OR10J1: variants seen among roughly 807,000 people sequenced by gnomAD.
OR10J1 encodes the protein olfactory receptor family 10 subfamily J member 1.
For synonymous variants in OR10J1, 202 were observed against 143.8 expected (o/e 1.40, Z -2.89); for missense variants, 474 against 376.6 (o/e 1.26, Z -2.14).
the OR10J1 span, among the ~76,000 whole-genome samples, chr1:159,431,796 A>G: frequency 6.6e-6 from 1 of 152,192 alleles, no homozygotes; most frequent in African/African-American, 2.4e-5. Flanking sequence ...TGATTTGCCC[A>G]GTTGTAGGCT....
chr1:159,420,947 C>T, the OR10J1 span, among the ~76,000 whole-genome samples: 6 of 152,054 alleles, frequency 3.9e-5, no homozygotes, highest in Non-Finnish European at 8.8e-5. Flanking sequence ...AAATAACTTG[C>T]TAGACTTGGG....
the OR10J1 span, among the ~76,000 whole-genome samples, chr1:159,402,028 T>C: frequency 6.6e-6 from 1 of 152,062 alleles, no homozygotes; most frequent in African/African-American, 2.4e-5. Context: ...TAAAAAAGCA[T>C]TTGATAAAAT....
the OR10J1 span, among the ~76,000 whole-genome samples, chr1:159,411,918 G>GA: frequency 6.6e-6 from 1 of 152,190 alleles, no homozygotes; most frequent in Admixed American, 6.6e-5. Flanking sequence ...CAGATGACAT[G>GA]ATTGTATATC....
the OR10J1 span, among the ~76,000 whole-genome samples, chr1:159,430,190 C>T: frequency 3.3e-5 from 5 of 151,808 alleles, no homozygotes; most frequent in Non-Finnish European, 7.4e-5. Flanking sequence ...AAAAAATCAC[C>T]GAGAAAGGAT....
the OR10J1 span, among the ~76,000 whole-genome samples, chr1:159,411,806 C>G: frequency 3.3e-5 from 5 of 151,914 alleles, 1 homozygote; most frequent in South Asian, 1.0e-3. Flanking sequence ...ATGGTCTTTA[C>G]ATTCAACATA....
chr1:159,402,864 C>A, the OR10J1 span, among the ~76,000 whole-genome samples: 1 of 151,706 alleles, frequency 6.6e-6, no homozygotes, highest in Non-Finnish European at 1.5e-5. Flanking sequence ...CAAATTATAC[C>A]ACAGAGCTAC....
the OR10J1 span, among the ~76,000 whole-genome samples, chr1:159,427,903 T>A: frequency 1.3e-5 from 2 of 152,132 alleles, no homozygotes; most frequent in East Asian, 3.9e-4. Flanking sequence ...TTTTAAAAAT[T>A]TCTTAATGTA....
the OR10J1 span, among the ~76,000 whole-genome samples, chr1:159,411,285 G>C: frequency 3.3e-5 from 5 of 152,128 alleles, no homozygotes; most frequent in Non-Finnish European, 7.4e-5. Context: ...TCTGTCTAAT[G>C]TTGACAGTGG....
the OR10J1 span, among the ~76,000 whole-genome samples, chr1:159,419,520 G>A: frequency 3.3e-5 from 5 of 152,170 alleles, no homozygotes; most frequent in African/African-American, 4.8e-5. Flanking sequence ...ATGGAACTGT[G>A]AGTCTATTAA....
the OR10J1 span, among the ~76,000 whole-genome samples, chr1:159,424,870 C>A: frequency 2.0e-5 from 3 of 151,916 alleles, no homozygotes; most frequent in Non-Finnish European, 4.4e-5. Context: ...GAGTAACTAA[C>A]ATAGCAAGAA....
In OR10J1 at chr1:159,440,730, GA is replaced by G. The variant is rs1299586317; in HGVS notation, c.*11del. 3 of 1,603,992 alleles carry G rather than the reference GA, an allele frequency of 1.9e-6. No homozygotes were observed. The African/African-American group carries it at 4.0e-5, about 21-fold the overall frequency. ...GTGGGAAGTTTTCCTGACCATGTAG[GA>G]AGAGTTCTCCTGAGGCTGTCAACAT... On this transcript the variant is annotated 3_prime_UTR_variant, in exon 1 of 1. Transcript: ENST00000423932.
upstream of OR10J1, among the ~76,000 whole-genome samples, chr1:159,435,484 A>T (rs1655711068): frequency 6.6e-6 from 1 of 152,256 alleles, no homozygotes; most frequent in Admixed American, 6.5e-5. Flanking sequence ...CAATAGGTAC[A>T]AATAGTACAA....
the OR10J1 span, among the ~76,000 whole-genome samples, chr1:159,430,058 C>T: frequency 6.6e-6 from 1 of 151,902 alleles, no homozygotes; most frequent in Non-Finnish European, 1.5e-5. Flanking sequence ...GACCTCGTGG[C>T]CCTCATCTCA....
chr1:159,408,064 G>A, the OR10J1 span, among the ~76,000 whole-genome samples: 2 of 152,002 alleles, frequency 1.3e-5, no homozygotes, highest in African/African-American at 4.8e-5. Context: ...AGATAGTAAA[G>A]GAAAAGTGAA....
At chr1:159,427,974 G>T in the OR10J1 span, among the ~76,000 whole-genome samples, 1 of 152,038 alleles carries the variant, frequency 6.6e-6, no homozygotes, top group African/African-American at 2.4e-5. Context: ...ATGCAGAAAA[G>T]AAACTAGCTG....
chr1:159,435,331 G>A (rs975241153), upstream of OR10J1, among the ~76,000 whole-genome samples: 4 of 152,090 alleles, frequency 2.6e-5, no homozygotes, highest in African/African-American at 9.7e-5. Context: ...AAGTCTCAGG[G>A]TTCCTGTGTG....
At chr1:159,406,775 T>C in the OR10J1 span, among the ~76,000 whole-genome samples, 1 of 152,112 alleles carries the variant, frequency 6.6e-6, no homozygotes, top group Admixed American at 6.6e-5. Flanking sequence ...GAGGCAGAGA[T>C]AGTGAATGTT....
chr1:159,419,496 G>T, the OR10J1 span, among the ~76,000 whole-genome samples: 1 of 152,128 alleles, frequency 6.6e-6, no homozygotes, highest in Non-Finnish European at 1.5e-5. Flanking sequence ...TGATTGTGAG[G>T]CCTCCCCAGC....
chr1:159,423,701 TC>T, the OR10J1 span, among the ~76,000 whole-genome samples: 1 of 152,120 alleles, frequency 6.6e-6, no homozygotes, highest in East Asian at 1.9e-4. Context: ...CTTCTTTGAC[TC>T]CCACAATTCT....
Sources: gnomAD v4.1 joint callset for allele counts (sites outside exome capture counted in the v4.1 genomes callset) on GRCh38, gnomAD v4.1.1 for gene constraint, MANE v1.5 for transcripts, NCBI Gene and HGNC (gene_info 2026-07-23, HGNC 2026-07-21) for gene names.